Variants in FAT3 observed in about 807,000 individuals in gnomAD.
FAT3 encodes the protein protocadherin Fat 3.
Under a neutral mutation model 310.2 loss-of-function variants are expected in FAT3, and 95 were observed. The observed-to-expected ratio is 0.31, with a 90% confidence interval of 0.26 to 0.36. The LOEUF is 0.36. Among genes scored for constraint, FAT3 ranks in the 10% least tolerant of loss-of-function variants. The pLI, the probability that FAT3 is intolerant of heterozygous loss-of-function variation, is 1.00. For synonymous variants in FAT3, 2,314 were observed against 2,192.9 expected, an observed-to-expected ratio of 1.06 and a Z score of -1.54; for missense variants, 5,408 against 5,715.6, an observed-to-expected ratio of 0.95 and a Z score of 1.74.
intron 2 of FAT3, among the ~76,000 whole-genome samples, chr11:92,470,476 T>C (rs185654778): frequency 1.8e-4 from 28 of 152,340 alleles, no homozygotes; most frequent in African/African-American, 6.7e-4. Context: ...ATAGAAACCA[T>C]ATCCCCATTC....
At chr11:92,727,574 G>A (rs1945035957) in intron 4 of FAT3, among the ~76,000 whole-genome samples, 1 of 152,114 alleles carries the variant, frequency 6.6e-6, no homozygotes, top group African/African-American at 2.4e-5. Flanking sequence ...AAACAGACAG[G>A]AGGACCAGTG....
chr11:92,569,560 C>T (rs1006513099), intron 3 of FAT3, among the ~76,000 whole-genome samples: 1 of 152,134 alleles, frequency 6.6e-6, no homozygotes, highest in African/African-American at 2.4e-5. Flanking sequence ...CAAGAGAAAT[C>T]GGTGAGTTTG....
chr11:92,645,633 G>A (rs1179050648), intron 3 of FAT3, among the ~76,000 whole-genome samples: 1 of 151,970 alleles, frequency 6.6e-6, no homozygotes, highest in African/African-American at 2.4e-5. Context: ...AAGTTTCTTT[G>A]TTTGCTTTTT....
intron 2 of FAT3, chr11:92,366,513 C>T (rs1343362679): frequency 2.7e-5 from 13 of 476,214 alleles, no homozygotes; most frequent in Non-Finnish European, 5.0e-5. Flanking sequence ...TTGGCCTTAC[C>T]CTCGGCAGCC....
intron 13 of FAT3, among the ~76,000 whole-genome samples, chr11:92,818,010 C>T (rs769969289): frequency 2.0e-5 from 3 of 152,152 alleles, no homozygotes; most frequent in Non-Finnish European, 2.9e-5. Context: ...TTTCCTGTAT[C>T]TTCTTGGGAC....
chr11:92,855,689 A>T (rs1203273341), intron 19 of FAT3, among the ~76,000 whole-genome samples: 1 of 152,202 alleles, frequency 6.6e-6, no homozygotes, highest in Non-Finnish European at 1.5e-5. Flanking sequence ...AAATAGGAAG[A>T]TGTATTTCAG....
intron 4 of FAT3, among the ~76,000 whole-genome samples, chr11:92,735,848 G>A (rs1459439483): frequency 6.6e-6 from 1 of 151,484 alleles, no homozygotes; most frequent in Non-Finnish European, 1.5e-5. Flanking sequence ...GAAAGTAATG[G>A]GTTCTCTATA....
chr11:92,733,301 G>A (rs1945241357), intron 4 of FAT3, among the ~76,000 whole-genome samples: 1 of 152,056 alleles, frequency 6.6e-6, no homozygotes, highest in African/African-American at 2.4e-5. Context: ...GGCACATTCT[G>A]ATGTTACTAG....
At chr11:92,836,456 C>T (rs143001477) in intron 15 of FAT3, 110 bp from the exon 16 acceptor site, 2 of 1,269,856 alleles carry the variant, frequency 1.6e-6, no homozygotes, top group Non-Finnish European at 2.1e-6. Context: ...AGCAGAGCTC[C>T]CGAGAAAACT....
chr11:92,230,715 G>A (rs1864142492), intron 1 of FAT3, among the ~76,000 whole-genome samples: 1 of 152,190 alleles, frequency 6.6e-6, no homozygotes, highest in African/African-American at 2.4e-5. Flanking sequence ...CATTGCTTCT[G>A]CTTCGTGCTG....
chr11:92,388,492 A>G (rs963875181), intron 2 of FAT3, among the ~76,000 whole-genome samples: 5 of 152,206 alleles, frequency 3.3e-5, no homozygotes, highest in African/African-American at 1.2e-4. Context: ...GCTATAATTT[A>G]ATTCTTAATT....
chr11:92,475,562 A>G (rs1239127516), intron 2 of FAT3, among the ~76,000 whole-genome samples: 1 of 152,010 alleles, frequency 6.6e-6, no homozygotes, highest in Non-Finnish European at 1.5e-5. Context: ...TATGTATGGA[A>G]GGCTTCAGTT....
At chr11:92,835,114 G>A in intron 15 of FAT3, 30 bp downstream of exon 15, 1 of 1,578,038 alleles carries the variant, frequency 6.3e-7, no homozygotes, top group Non-Finnish European at 8.7e-7. Flanking sequence ...GATGGTTCTA[G>A]ATGTTTGGGA....
chr11:92,762,238 C>T (rs2136087234), intron 5 of FAT3, 68 bp downstream of exon 5: 1 of 1,420,010 alleles, frequency 7.0e-7, no homozygotes, highest in Non-Finnish European at 9.6e-7. Flanking sequence ...TTCAAGTATA[C>T]TCCTTTGAGC....
chr11:92,714,836 TTGAATGAATGAA>T (rs903556159), intron 4 of FAT3, among the ~76,000 whole-genome samples: 1 of 152,114 alleles, frequency 6.6e-6, no homozygotes, highest in Admixed American at 6.5e-5. Flanking sequence ...AACTATTTAG[TTGAATGAATGAA>T]TGAATGAATG....
intron 1 of FAT3, among the ~76,000 whole-genome samples, chr11:92,228,152 T>C (rs553949536): frequency 2.0e-4 from 30 of 152,328 alleles, no homozygotes; most frequent in Admixed American, 1.1e-3. Flanking sequence ...GAAAGGCAGC[T>C]GGCTCAGAGA....
At chr11:92,399,494 A>G (rs1360742437) in intron 2 of FAT3, among the ~76,000 whole-genome samples, 1 of 152,192 alleles carries the variant, frequency 6.6e-6, no homozygotes, top group East Asian at 1.9e-4. Flanking sequence ...GCACACTCAT[A>G]TGAAATATTT....
intron 4 of FAT3, among the ~76,000 whole-genome samples, chr11:92,723,358 A>G (rs1263045509): frequency 2.6e-5 from 4 of 152,216 alleles, no homozygotes; most frequent in Middle Eastern, 3.4e-3. Flanking sequence ...CCTCATCTCC[A>G]TCTCAGACCA....
chr11:92,864,529 C>T (rs1452721450), intron 21 of FAT3, among the ~76,000 whole-genome samples: 1 of 152,120 alleles, frequency 6.6e-6, no homozygotes, highest in Non-Finnish European at 1.5e-5. Context: ...CATAAGATTA[C>T]ACGTGAGGCT....
Sources: gnomAD v4.1 joint callset for allele counts (sites outside exome capture counted in the v4.1 genomes callset) on GRCh38, gnomAD v4.1.1 for gene constraint, MANE v1.5 for transcripts, NCBI Gene and HGNC (gene_info 2026-07-23, HGNC 2026-07-21) for gene names.